Variants in AUTS2 observed in about 807,000 individuals in gnomAD.
The protein encoded by AUTS2 is activator of transcription and developmental regulator AUTS2.
In AUTS2, 17 loss-of-function variants were observed where a neutral mutation model predicts 112.4. The ratio of observed to expected loss-of-function variants is 0.15; its 90% CI spans 0.10 to 0.23. AUTS2 has a LOEUF of 0.23. AUTS2 is among the 10% of genes least tolerant of loss of function. The probability of loss-of-function intolerance (pLI) is 1.00; values close to 1 mark genes in which losing one functional copy is unlikely to be tolerated. For synonymous variants in AUTS2, 751 were observed against 702.7 expected (o/e 1.07, Z -1.09); for missense variants, 1,510 against 1,701.6 (o/e 0.89, Z 1.98).
chr7:70,661,709 G>C (rs558710981), intron 5 of AUTS2, among the ~76,000 whole-genome samples: 1 of 152,150 alleles, frequency 6.6e-6, no homozygotes, highest in African/African-American at 2.4e-5. Flanking sequence ...GAACAAATCT[G>C]TAGATCTGTA....
chr7:70,737,247 G>C (rs1442963027), intron 6 of AUTS2, among the ~76,000 whole-genome samples: 1 of 152,158 alleles, frequency 6.6e-6, no homozygotes, highest in Non-Finnish European at 1.5e-5. Context: ...TTTTCCATGG[G>C]TCCAGCCCTA....
intron 1 of AUTS2, among the ~76,000 whole-genome samples, chr7:69,659,484 C>T (rs144614635): frequency 1.4e-5 from 2 of 147,464 alleles, no homozygotes; most frequent in African/African-American, 5.0e-5. Flanking sequence ...GCCGCTATAC[C>T]TACTAATTGG....
intron 1 of AUTS2, among the ~76,000 whole-genome samples, chr7:69,787,178 G>A (rs773562432): frequency 5.3e-5 from 8 of 152,170 alleles, no homozygotes; most frequent in Non-Finnish European, 1.0e-4. Context: ...TGCTCCTGAC[G>A]TTGTTCTAAA....
intron 2 of AUTS2, among the ~76,000 whole-genome samples, chr7:69,920,005 CA>C (rs2129542717): frequency 8.3e-6 from 1 of 120,788 alleles, no homozygotes; most frequent in East Asian, 2.7e-4. Flanking sequence ...CTTATGTATA[CA>C]ATTTTTTGCA....
intron 2 of AUTS2, among the ~76,000 whole-genome samples, chr7:69,983,164 G>C (rs1447592903): frequency 6.6e-6 from 1 of 152,034 alleles, no homozygotes; most frequent in Non-Finnish European, 1.5e-5. Flanking sequence ...TTTAATTTTT[G>C]CATATTTTCT....
intron 2 of AUTS2, among the ~76,000 whole-genome samples, chr7:70,061,489 T>TG (rs1448810532): frequency 6.6e-6 from 1 of 152,304 alleles, no homozygotes; most frequent in East Asian, 1.9e-4. Context: ...AGGAAGAGAA[T>TG]GGGGCAACAT....
chr7:70,771,248 TC>T (rs1790317153), intron 10 of AUTS2: 1 of 199,982 alleles, frequency 5.0e-6, no homozygotes. Flanking sequence ...CATTAAAATC[TC>T]CAATCATTTA....
At chr7:69,702,861 T>C (rs1393311537) in intron 1 of AUTS2, among the ~76,000 whole-genome samples, 1 of 152,216 alleles carries the variant, frequency 6.6e-6, no homozygotes, top group Admixed American at 6.5e-5. Context: ...GTTCTCGGCT[T>C]ATGTGATTAA....
At chr7:70,277,661 A>G (rs771418456) in intron 4 of AUTS2, among the ~76,000 whole-genome samples, 1 of 152,284 alleles carries the variant, frequency 6.6e-6, no homozygotes, top group East Asian at 1.9e-4. Flanking sequence ...CTAATAATCT[A>G]TCTTAAAGTA....
intron 1 of AUTS2, among the ~76,000 whole-genome samples, chr7:69,895,553 C>G (rs1001913511): frequency 6.8e-6 from 1 of 146,278 alleles, no homozygotes; most frequent in African/African-American, 2.5e-5. Context: ...TCCCCCCCCC[C>G]GAGTGGAAAA....
chr7:70,649,217 T>A (rs1806347015), intron 5 of AUTS2, among the ~76,000 whole-genome samples: 1 of 149,614 alleles, frequency 6.7e-6, no homozygotes, highest in Non-Finnish European at 1.5e-5. Flanking sequence ...GTTTGAGACC[T>A]TTAGATTAGA....
At chr7:69,673,213 G>A (rs1189177598) in intron 1 of AUTS2, among the ~76,000 whole-genome samples, 1 of 152,158 alleles carries the variant, frequency 6.6e-6, no homozygotes, top group East Asian at 1.9e-4. Flanking sequence ...CTTTAGTGGG[G>A]CACAGAAGGA....
At chr7:70,613,551 G>C (rs1220700332) in intron 5 of AUTS2, among the ~76,000 whole-genome samples, 1 of 152,156 alleles carries the variant, frequency 6.6e-6, no homozygotes, top group Non-Finnish European at 1.5e-5. Flanking sequence ...GGAGAGCAGA[G>C]GGGAGGGTTG....
chr7:69,735,805 AG>A (rs975514350), intron 1 of AUTS2, among the ~76,000 whole-genome samples: 2 of 152,226 alleles, frequency 1.3e-5, no homozygotes, highest in African/African-American at 4.8e-5. Context: ...CAGCCAGTGC[AG>A]GGGACTAGCA....
intron 5 of AUTS2, among the ~76,000 whole-genome samples, chr7:70,530,215 G>A (rs992529926): frequency 1.1e-4 from 17 of 152,166 alleles, no homozygotes; most frequent in Non-Finnish European, 1.6e-4. Flanking sequence ...ATGCATATCC[G>A]TGCTGGGGAG....
intron 1 of AUTS2, among the ~76,000 whole-genome samples, chr7:69,866,804 G>C (rs946255085): frequency 6.6e-6 from 1 of 152,142 alleles, no homozygotes; most frequent in African/African-American, 2.4e-5. Context: ...CCACCTTCCC[G>C]GGGATTTTCT....
intron 1 of AUTS2, among the ~76,000 whole-genome samples, chr7:69,684,625 A>G (rs949726560): frequency 6.6e-6 from 1 of 152,206 alleles, no homozygotes; most frequent in South Asian, 2.1e-4. Context: ...GTTCCTTTTC[A>G]GCATGTTAAT....
intron 2 of AUTS2, among the ~76,000 whole-genome samples, chr7:69,963,347 C>A (rs564269884): frequency 1.3e-5 from 2 of 152,242 alleles, no homozygotes; most frequent in Admixed American, 1.3e-4. Context: ...GACCATCTTG[C>A]AGCTACCAAA....
intron 5 of AUTS2, among the ~76,000 whole-genome samples, chr7:70,476,052 A>C (rs867506966): frequency 6.6e-6 from 1 of 152,278 alleles, no homozygotes; most frequent in East Asian, 1.9e-4. Context: ...AAGATAAAAA[A>C]AGCAACCAGT....
Sources: gnomAD v4.1 joint callset for allele counts (sites outside exome capture counted in the v4.1 genomes callset) on GRCh38, gnomAD v4.1.1 for gene constraint, MANE v1.5 for transcripts, NCBI Gene and HGNC (gene_info 2026-07-23, HGNC 2026-07-21) for gene names.